PCDHGA2: variants seen among roughly 807,000 people sequenced by gnomAD.
The protein encoded by PCDHGA2 is protocadherin gamma subfamily A, 2.
In PCDHGA2, 40 loss-of-function variants were observed where a neutral mutation model predicts 59.2. The observed-to-expected ratio is 0.68, with a 90% CI of 0.52 to 0.88. The LOEUF (loss-of-function observed/expected upper bound fraction) is 0.88. Among genes scored for constraint, PCDHGA2 ranks in the 40% least tolerant of loss-of-function variants. The probability of loss-of-function intolerance (pLI) is 0.00; values close to 1 mark genes in which losing one functional copy is unlikely to be tolerated. For synonymous variants in PCDHGA2, 560 were observed against 526.0 expected, an observed-to-expected ratio of 1.06 and a Z score of -0.89; for missense variants, 1,226 against 1,204.0, an observed-to-expected ratio of 1.02 and a Z score of -0.27.
intron 1 of PCDHGA2, among the ~76,000 whole-genome samples, chr5:141,448,040 C>T (rs892207188): frequency 6.6e-6 from 1 of 151,850 alleles, no homozygotes; most frequent in Admixed American, 6.6e-5. Context: ...GAGCCAAGAT[C>T]ATGCCATTGC....
At position 141,340,583 on chromosome 5, in the gene PCDHGA2, G is replaced by A. The variant is rs749787210; in HGVS notation, c.1612G>A (p.Gly538Arg). The A allele has an allele frequency of 1.9e-6, 3 of 1,614,102 alleles. No homozygotes were observed. Among genetic ancestry groups the A allele is most frequent in the East Asian group, 2.2e-5 (1 of 44,890 alleles). The stretch of plus-strand genomic sequence containing the variant: ...AGTGTGGGTGATAGCGCGGGACAGC[G>A]GGAACCCTCCACTCAGTAGCAATGT... ...LQVWVIARDSGNPPLSSNVSL... is the reference protein window; with the variant it reads ...LQVWVIARDSRNPPLSSNVSL... Residue 538 changes from glycine (G) to arginine (R), a missense_variant, in exon 1 of 4, where the codon GGG becomes AGG. Physicochemically the swap from Gly to Arg is moderately radical, Grantham distance 125. Coordinates refer to ENST00000394576, the MANE Select transcript of PCDHGA2 (RefSeq NM_018915.4).
At chr5:141,352,000 C>G (rs763040408) in intron 1 of PCDHGA2, 6 of 1,610,366 alleles carry the variant, frequency 3.7e-6, no homozygotes, top group South Asian at 1.1e-5. Context: ...CCGCAGAGCC[C>G]GGCTACCTGG....
chr5:141,383,626 T>C (rs747491955), intron 1 of PCDHGA2: 1 of 1,613,896 alleles, frequency 6.2e-7, no homozygotes, highest in Non-Finnish European at 8.5e-7. Context: ...GCCTGTCTTC[T>C]CTCTGCCTCA....
At chr5:141,371,200 T>C in intron 1 of PCDHGA2, 3 of 1,614,034 alleles carry the variant, frequency 1.9e-6, no homozygotes, top group Non-Finnish European at 2.5e-6. Flanking sequence ...GCCATTGACA[T>C]GGATGAGGGC....
Position 141,350,426 on chromosome 5 carries a change from G to T in PCDHGA2, c.2424+9031G>T, listed in dbSNP as rs776190786. ...ACTTGCCAAGGATCTGGGGCTCAGT[G>T]TCCGGGAGTTGCCAACTCGAAAACT... On this transcript the variant is annotated intron_variant, in intron 1 of 3. Transcript: ENST00000394576. 2.5e-6 allele frequency: 4 copies of T among 1,609,938 alleles called. No homozygotes were observed. The African/African-American group carries it at 4.0e-5, about 16-fold the overall frequency.
intron 2 of PCDHGA2, among the ~76,000 whole-genome samples, chr5:141,504,948 T>C (rs1044527570): frequency 2.0e-5 from 3 of 152,080 alleles, no homozygotes; most frequent in Admixed American, 1.3e-4. Flanking sequence ...GAATGCACTA[T>C]GTTCAATGCA....
intron 1 of PCDHGA2, chr5:141,429,208 G>A (rs568951026): frequency 5.4e-4 from 77 of 142,568 alleles, no homozygotes; most frequent in African/African-American, 1.9e-3. Context: ...ACACACACGT[G>A]TGAAAAGTGG....
intron 1 of PCDHGA2, among the ~76,000 whole-genome samples, chr5:141,494,512 C>T (rs2154591503): frequency 6.6e-6 from 1 of 152,276 alleles, no homozygotes; most frequent in Middle Eastern, 3.4e-3. Context: ...AATTTTGGCT[C>T]AGGAGTTCTG....
intron 1 of PCDHGA2, chr5:141,351,146 G>C (rs868865355): frequency 1.2e-6 from 2 of 1,613,840 alleles, no homozygotes; most frequent in Non-Finnish European, 1.7e-6. Context: ...AAATACTGGC[G>C]ACATCACAAC....
At chr5:141,394,552 G>T (rs368792885) in intron 1 of PCDHGA2, 4 of 1,614,070 alleles carry the variant, frequency 2.5e-6, no homozygotes, top group East Asian at 4.5e-5. Flanking sequence ...CTGGCGCCCC[G>T]CTCCGCAGAG....
intron 1 of PCDHGA2, among the ~76,000 whole-genome samples, chr5:141,492,632 C>T (rs1359761285): frequency 1.3e-5 from 2 of 152,256 alleles, no homozygotes; most frequent in Admixed American, 1.3e-4. Context: ...CAGGACTCTA[C>T]GATCCTTGGG....
At chr5:141,433,607 G>A (rs1209706866) in intron 1 of PCDHGA2, among the ~76,000 whole-genome samples, 2 of 152,078 alleles carry the variant, frequency 1.3e-5, no homozygotes, top group East Asian at 1.9e-4. Context: ...AGGCCGAGGC[G>A]GGTGGATCAC....
chr5:141,400,129 C>T (rs530393607), intron 1 of PCDHGA2: 1 of 1,614,104 alleles, frequency 6.2e-7, no homozygotes, highest in Admixed American at 1.7e-5. Flanking sequence ...GCAGGAGGTG[C>T]TGCCGGATAT....
intron 1 of PCDHGA2, chr5:141,351,055 C>G: frequency 1.2e-6 from 2 of 1,614,046 alleles, no homozygotes; most frequent in Non-Finnish European, 1.7e-6. Flanking sequence ...TGGCCACAGA[C>G]CAGGATGAGG....
At chr5:141,504,986 AC>A (rs1225847397) in intron 2 of PCDHGA2, among the ~76,000 whole-genome samples, 4 of 151,936 alleles carry the variant, frequency 2.6e-5, no homozygotes, top group Non-Finnish European at 5.9e-5. Context: ...ACATGGTGAA[AC>A]CCCGTCTGTA....
In PCDHGA2 at chr5:141,476,659, G is replaced by A; in HGVS notation, c.2425-18148G>A. On this transcript the variant is annotated intron_variant, in intron 1 of 3. Coordinates refer to ENST00000394576, the MANE Select transcript of PCDHGA2 (RefSeq NM_018915.4). The surrounding 1 kb of genome is among the most constrained non-coding windows in gnomAD (Gnocchi z 7.6). ...AGCTGAGCCGAAATGAATACTTTGC[G>A]CTTCGCGTGCAGACGCGGGAGGACA... 2 of 1,614,252 alleles carry A rather than the reference G, an allele frequency of 1.2e-6. No homozygotes were observed. Among genetic ancestry groups the A allele is most frequent in the Non-Finnish European group, 8.5e-7 (1 of 1,180,048 alleles).
chr5:141,388,447 G>C (rs775979306), intron 1 of PCDHGA2: 2 of 1,613,802 alleles, frequency 1.2e-6, no homozygotes, highest in Non-Finnish European at 1.7e-6. Flanking sequence ...AAATCAGATG[G>C]CAGTAAATAC....
At chr5:141,459,218 C>T (rs2098963524) in intron 1 of PCDHGA2, among the ~76,000 whole-genome samples, 1 of 152,220 alleles carries the variant, frequency 6.6e-6, no homozygotes, top group South Asian at 2.1e-4. Context: ...TTCTCCAGCT[C>T]CAGGCAACAA....
At chr5:141,362,648 T>G in intron 1 of PCDHGA2, 1 of 1,442,070 alleles carries the variant, frequency 6.9e-7, no homozygotes, top group African/African-American at 1.4e-5. Flanking sequence ...TGTCTGTGAG[T>G]TAGATTTGGC....
Sources: gnomAD v4.1 joint callset for allele counts (sites outside exome capture counted in the v4.1 genomes callset) on GRCh38, gnomAD v4.1.1 for gene constraint, Gnocchi (gnomAD v3.1) non-coding constraint, MANE v1.5 for transcripts, NCBI Gene and HGNC (gene_info 2026-07-23, HGNC 2026-07-21) for gene names.